DSG3: variants seen among roughly 807,000 people sequenced by gnomAD.
The protein encoded by DSG3 is desmoglein 3.
DSG3 carries 63 observed loss-of-function variants against 85.9 expected under a neutral mutation model. The ratio of observed to expected loss-of-function variants is 0.73; its 90% confidence interval spans 0.60 to 0.90. The LOEUF (loss-of-function observed/expected upper bound fraction) is 0.90. DSG3 is among the 40% of genes least tolerant of loss of function. The probability of loss-of-function intolerance (pLI) is 0.00; values close to 1 mark genes in which losing one functional copy is unlikely to be tolerated. For synonymous variants in DSG3, 447 were observed against 441.9 expected (o/e 1.01, Z -0.14); for missense variants, 1,220 against 1,219.9 (o/e 1.00, Z 0.00).
At chr18:31,451,045 A>T (rs2072708711) in intron 1 of DSG3, among the ~76,000 whole-genome samples, 1 of 152,112 alleles carries the variant, frequency 6.6e-6, no homozygotes, top group South Asian at 2.1e-4. Flanking sequence ...TTGGGAGGAG[A>T]AGGCATGGGG....
chr18:31,462,292 G>A (rs961133614), intron 8 of DSG3, among the ~76,000 whole-genome samples: 5 of 152,084 alleles, frequency 3.3e-5, no homozygotes, highest in African/African-American at 9.7e-5. Context: ...GGCTGGTCTC[G>A]AACTCCTGAT....
chr18:31,449,447 C>A (rs550855391), intron 1 of DSG3, among the ~76,000 whole-genome samples: 1 of 152,234 alleles, frequency 6.6e-6, no homozygotes, highest in East Asian at 1.9e-4. Context: ...TAGGATTGGG[C>A]CACCATAAGC....
intron 3 of DSG3, among the ~76,000 whole-genome samples, chr18:31,457,408 G>A (rs182586893): frequency 2.5e-4 from 38 of 152,154 alleles, no homozygotes; most frequent in African/African-American, 8.9e-4. Flanking sequence ...CAAACAAATA[G>A]GAAAAATAAT....
At chr18:31,470,730 C>T (rs1260904128) in intron 12 of DSG3, among the ~76,000 whole-genome samples, 1 of 152,088 alleles carries the variant, frequency 6.6e-6, no homozygotes, top group Non-Finnish European at 1.5e-5. Context: ...TCAATTGAGC[C>T]TTGAAGAATG....
intron 14 of DSG3, 95 bp downstream of exon 14, chr18:31,472,883 T>G: frequency 8.5e-7 from 1 of 1,169,900 alleles, no homozygotes; most frequent in Non-Finnish European, 1.3e-6. Flanking sequence ...ATAATTTGCA[T>G]CTGTGTGCAC....
rs1469528394 is a variant in DSG3, at chr18:31,447,929, A to G, written c.48+4A>G. The G allele has an allele frequency of 6.4e-7, 1 of 1,561,238 alleles. No homozygotes were observed. ...AGGGGCTCTGGCCATCTTCGTGGTA[A>G]GTCCTGGATTTTCCTAATAATCACA... On this transcript the variant is annotated splice_donor_region_variant and intron_variant, in intron 1 of 15. Transcript: ENST00000257189.
chr18:31,474,521 A>G (rs1483717028), intron 15 of DSG3, 117 bp downstream of exon 15: 1 of 1,315,394 alleles, frequency 7.6e-7, no homozygotes, highest in African/African-American at 1.5e-5. Flanking sequence ...ATGCAAGAAA[A>G]AAATGGTTTG....
intron 3 of DSG3, 73 bp from the exon 4 acceptor site, chr18:31,458,372 T>G: frequency 2.7e-6 from 4 of 1,484,398 alleles, no homozygotes; most frequent in Non-Finnish European, 3.7e-6. Context: ...GACTTTAGAC[T>G]ATGGAAGTGG....
intron 3 of DSG3, among the ~76,000 whole-genome samples, chr18:31,458,092 A>T (rs997197071): frequency 1.3e-5 from 2 of 152,124 alleles, no homozygotes; most frequent in Non-Finnish European, 2.9e-5. Flanking sequence ...CTAAATAAAT[A>T]TCTTTTGTTT....
rs1331607520 is a variant in DSG3, at chr18:31,461,212, T to G, written c.814-15T>G. The G allele has an allele frequency of 1.9e-6, 3 of 1,601,948 alleles. No homozygotes were observed. The highest frequency in any genetic ancestry group is 2.7e-5 in the African/African-American group (2 of 74,370). On this transcript the variant is annotated splice_polypyrimidine_tract_variant and intron_variant, in intron 7 of 15. Transcript: ENST00000257189. The stretch of plus-strand genomic sequence containing the variant: ...CCTGTCATTAGGTCTTTAATTCTGC[T>G]TCTCGCCTTTTCAGTATTCAGCACG...
intron 4 of DSG3, 22 bp downstream of exon 4, chr18:31,458,622 T>G (rs1281453580): frequency 1.2e-6 from 2 of 1,603,858 alleles, no homozygotes; most frequent in South Asian, 2.2e-5. Context: ...TCCTCAACAT[T>G]GGGCTACCCT....
In DSG3 at chr18:31,475,789, C is replaced by G. The variant is rs527961475; in HGVS notation, c.2529C>G (p.Asp843Glu). 1.2e-6 allele frequency: 2 copies of G among 1,614,184 alleles called. No homozygotes were observed. The highest frequency in any genetic ancestry group is 4.5e-5 in the East Asian group (2 of 44,886). Reference sequence around the variant, plus strand: ...GTTTTATTGCTGATGACCTGGATGACAGCTTCTTGGACTCACTTGGACCCA... The same window carrying G: ...GTTTTATTGCTGATGACCTGGATGAGAGCTTCTTGGACTCACTTGGACCCA... Reference protein sequence around the residue: ...CCSFIADDLDDSFLDSLGPKF... With the variant: ...CCSFIADDLDESFLDSLGPKF... Residue 843 changes from aspartate to glutamate, a missense_variant, in exon 16 of 16, where the codon GAC (aspartate) becomes GAG (glutamate). Physicochemically the swap from Asp to Glu is conservative, Grantham distance 45. Coordinates refer to ENST00000257189, the MANE Select transcript of DSG3 (RefSeq NM_001944.3).
At position 31,476,392 on chromosome 18, in the gene DSG3, G is replaced by T. The variant is rs113513813; in HGVS notation, c.*132G>T. The stretch of plus-strand genomic sequence containing the variant: ...TTAGCTTCTCTCATAAACTGATCAC[G>T]ATTATAAATTAAATGTTTGGGTTCA... On this transcript the variant is annotated 3_prime_UTR_variant, in exon 16 of 16. Coordinates refer to ENST00000257189, the MANE Select transcript of DSG3 (RefSeq NM_001944.3). 4 of 1,062,324 alleles carry T rather than the reference G, an allele frequency of 3.8e-6. No individual in the cohort carries two copies. The highest frequency in any genetic ancestry group is 1.6e-5 in the African/African-American group (1 of 62,948). The allele number at this position is 1,062,324 out of a possible 1,614,324, so 65.8% of individuals were successfully genotyped here. A position where few individuals can be genotyped will look rare whatever the true frequency, so the allele number is the denominator to read the frequency against.
intron 11 of DSG3, among the ~76,000 whole-genome samples, chr18:31,467,267 G>A (rs909041330): frequency 6.6e-6 from 1 of 152,134 alleles, no homozygotes; most frequent in Non-Finnish European, 1.5e-5. Context: ...CTTGAACCCA[G>A]GAGGTGGAGG....
At position 31,477,590 on chromosome 18, in the gene DSG3, T is replaced by C. The variant is rs1054866713; in HGVS notation, c.*1330T>C. 4 of 152,258 alleles carry C rather than the reference T, an allele frequency of 2.6e-5. No individual in the cohort carries two copies. The highest frequency in any genetic ancestry group is 9.6e-5 in the African/African-American group (4 of 41,464). The allele number at this position is 152,258 out of a possible 1,614,324, so 9.4% of individuals were successfully genotyped here. Reference sequence around the variant, plus strand: ...GGAATTATGAGTAACCTCTATTTTTTAAGCCTTGCTTTTAAATTAAACAGC... The same window carrying C: ...GGAATTATGAGTAACCTCTATTTTTCAAGCCTTGCTTTTAAATTAAACAGC... On this transcript the variant is annotated 3_prime_UTR_variant, in exon 16 of 16. Coordinates refer to ENST00000257189, the MANE Select transcript of DSG3 (RefSeq NM_001944.3).
Position 31,476,397 on chromosome 18 carries a change from T to G in DSG3, c.*137T>G, listed in dbSNP as rs1395535905. On this transcript the variant is annotated 3_prime_UTR_variant, in exon 16 of 16. Coordinates refer to ENST00000257189, the MANE Select transcript of DSG3 (RefSeq NM_001944.3). The stretch of plus-strand genomic sequence containing the variant: ...TTCTCTCATAAACTGATCACGATTA[T>G]AAATTAAATGTTTGGGTTCATACCC... The G allele has an allele frequency of 1.5e-5, 15 of 1,034,268 alleles. No individual in the cohort carries two copies. The highest frequency in any genetic ancestry group is 2.0e-5 in the Non-Finnish European group (15 of 737,972). The allele number at this position is 1,034,268 out of a possible 1,614,324, so 64.1% of individuals were successfully genotyped here.
At chr18:31,471,434 G>A (rs1000855911) in intron 12 of DSG3, among the ~76,000 whole-genome samples, 3 of 152,108 alleles carry the variant, frequency 2.0e-5, no homozygotes, top group South Asian at 2.1e-4. Flanking sequence ...CTGTTAAGTG[G>A]TACAGCCGAA....
In DSG3 at chr18:31,464,138, G is replaced by A. The variant is rs141272063; in HGVS notation, c.1027G>A (p.Val343Met). Residue 343 changes from valine to methionine, a missense_variant, in exon 9 of 16, where the codon GTG (valine) becomes ATG (methionine). Val to Met is a conservative substitution (Grantham distance 21). Coordinates refer to ENST00000257189, the MANE Select transcript of DSG3 (RefSeq NM_001944.3). Reference sequence around the variant, plus strand: ...TCTAGATTATGAACAACTACAAAGCGTGAAACTTAGTATTGCTGTCAAAAA... The same window carrying A: ...TCTAGATTATGAACAACTACAAAGCATGAAACTTAGTATTGCTGTCAAAAA... ...KALDYEQLQSVKLSIAVKNKA... is the reference protein window; with the variant it reads ...KALDYEQLQSMKLSIAVKNKA... 89 of 1,613,924 alleles carry A rather than the reference G, an allele frequency of 5.5e-5. No individual in the cohort carries two copies. The African/African-American group carries it at 8.0e-4, about 15-fold the overall frequency.
intron 12 of DSG3, among the ~76,000 whole-genome samples, chr18:31,470,849 T>C (rs1026493817): frequency 2.2e-4 from 34 of 152,138 alleles, no homozygotes; most frequent in African/African-American, 8.2e-4. Flanking sequence ...TCACACAGCC[T>C]TCGAAGGCTA....
Sources: gnomAD v4.1 joint callset for allele counts (sites outside exome capture counted in the v4.1 genomes callset) on GRCh38, gnomAD v4.1.1 for gene constraint, MANE v1.5 for transcripts, NCBI Gene and HGNC (gene_info 2026-07-23, HGNC 2026-07-21) for gene names.